The following SLC37A3 variants were observed in gnomAD, a reference collection of about 807,000 sequenced individuals.
SLC37A3 encodes the protein sugar phosphate exchanger 3.
A neutral mutation model predicts 67.1 loss-of-function variants in SLC37A3; 51 were observed. The ratio of observed to expected loss-of-function variants is 0.76; its 90% confidence interval spans 0.61 to 0.96. The LOEUF (loss-of-function observed/expected upper bound fraction) is 0.96. SLC37A3 is among the 40% of genes least tolerant of loss of function. SLC37A3 has a pLI of 0.00. For synonymous variants in SLC37A3, 214 were observed against 231.4 expected (o/e 0.92, Z 0.68); for missense variants, 508 against 603.0 (o/e 0.84, Z 1.65).
At position 140,344,559 on chromosome 7, in the gene SLC37A3, C is replaced by G. The variant is rs193105059; in HGVS notation, c.1174+657G>C. Among the ~76,000 whole-genome samples, 196 of 152,272 alleles carry G rather than the reference C, an allele frequency of 1.3e-3. 1 individual carries two copies. Among genetic ancestry groups the G allele is most frequent in the African/African-American group, 4.6e-3 (191 of 41,552 alleles). On this transcript the variant is annotated intron_variant, in intron 12 of 14. Coordinates refer to ENST00000326232, the MANE Select transcript of SLC37A3 (RefSeq NM_207113.3). ...TCACCTGAGGTCAGGAGTTTGAGAC[C>G]AGCCTGGGCAACATGGTGAAACCAT...
intron 3 of SLC37A3, 165 bp downstream of exon 3, chr7:140,380,117 T>G: frequency 2.4e-6 from 1 of 420,622 alleles, no homozygotes; most frequent in Non-Finnish European, 4.3e-6. Flanking sequence ...TGGGACTGAG[T>G]CAGAGCAGGC....
At chr7:140,379,882 T>A (rs6970664) in intron 3 of SLC37A3, 83,309 of 150,030 alleles carry the variant, frequency 0.56, 23,147 homozygotes, top group South Asian at 0.65. Flanking sequence ...GGCAACAGAA[T>A]GATACTCTGT....
intron 3 of SLC37A3, among the ~76,000 whole-genome samples, chr7:140,375,062 AAGAATCG>A (rs1472684029): frequency 1.8e-5 from 2 of 112,086 alleles, no homozygotes; most frequent in Admixed American, 8.8e-5. Context: ...AGAAGAATCG[AAGAATCG>A]CTTCAACCCA....
intron 13 of SLC37A3, among the ~76,000 whole-genome samples, chr7:140,341,465 A>G (rs1207459745): frequency 6.6e-6 from 1 of 152,170 alleles, no homozygotes; most frequent in Non-Finnish European, 1.5e-5. Context: ...ACAATTCTTT[A>G]CTTGGGAAGT....
At chr7:140,338,218 G>T (rs1387729006) in intron 13 of SLC37A3, among the ~76,000 whole-genome samples, 1 of 151,886 alleles carries the variant, frequency 6.6e-6, no homozygotes, top group Non-Finnish European at 1.5e-5. Flanking sequence ...CAATCCAGTG[G>T]TATCAGTTAC....
At chr7:140,374,053 C>T (rs1797926470) in intron 3 of SLC37A3, among the ~76,000 whole-genome samples, 1 of 152,136 alleles carries the variant, frequency 6.6e-6, no homozygotes, top group African/African-American at 2.4e-5. Flanking sequence ...AATTTCTAAA[C>T]TAGTATCTAT....
At chr7:140,368,893 T>C (rs1179185532) in intron 4 of SLC37A3, among the ~76,000 whole-genome samples, 1 of 152,156 alleles carries the variant, frequency 6.6e-6, no homozygotes, top group Non-Finnish European at 1.5e-5. Context: ...CCAACCTCTA[T>C]TACTGTTGCG....
intron 4 of SLC37A3, among the ~76,000 whole-genome samples, chr7:140,368,374 T>C (rs1797690089): frequency 6.6e-6 from 1 of 152,062 alleles, no homozygotes. Flanking sequence ...CAGATCAGCC[T>C]GACCAACATG....
chr7:140,337,331 G>A lies in SLC37A3; in HGVS notation c.1345C>T (p.Arg449Trp), dbSNP rs539485367. Reference protein sequence around the residue: ...AVGQYLVSLIRDKLGWMWVFY... With the variant: ...AVGQYLVSLIWDKLGWMWVFY... The stretch of plus-strand genomic sequence containing the variant: ...ACCCACATCCATCCTAGCTTGTCCC[G>A]GATCAGAGACACTAAATACTGAAAG... Residue 449 changes from arginine to tryptophan, a missense_variant, in exon 14 of 15, where the codon CGG (arginine) becomes TGG (tryptophan). Physicochemically the swap from Arg to Trp is moderately radical, Grantham distance 101. Transcript: ENST00000326232. 1.4e-4 allele frequency: 221 copies of A among 1,595,964 alleles called. 2 individuals are homozygous for A. In the South Asian group the frequency reaches 2.3e-3, roughly 16 times the overall value.
At chr7:140,359,298 G>A (rs1486865782) in intron 5 of SLC37A3, among the ~76,000 whole-genome samples, 2 of 150,694 alleles carry the variant, frequency 1.3e-5, no homozygotes, top group South Asian at 2.1e-4. Flanking sequence ...AGCCAAGATC[G>A]TGCCACTGCA....
chr7:140,376,679 C>T (rs1798044159), intron 3 of SLC37A3, among the ~76,000 whole-genome samples: 1 of 152,164 alleles, frequency 6.6e-6, no homozygotes, highest in African/African-American at 2.4e-5. Context: ...GGATGGATGA[C>T]AGGCCAACTT....
At chr7:140,390,918 C>T (rs1216728919) in intron 1 of SLC37A3, among the ~76,000 whole-genome samples, 2 of 152,144 alleles carry the variant, frequency 1.3e-5, no homozygotes, top group African/African-American at 4.8e-5. Context: ...AACTTAGAAT[C>T]TACAGTGCCC....
chr7:140,356,142 C>T (rs956990055), intron 6 of SLC37A3, among the ~76,000 whole-genome samples: 1 of 149,276 alleles, frequency 6.7e-6, no homozygotes, highest in Non-Finnish European at 1.5e-5. Flanking sequence ...TGCAGTAAGC[C>T]GAGATCACGC....
Position 140,352,072 on chromosome 7 carries a change from T to C in SLC37A3, c.693A>G (p.Pro231=). ...IVIFFGLLVS[P]EEIGLSGIEA... ...GCGGCTTCTCCTCACCAATTTCTTCTGGTGACACCAGGAGTCCAAAGAAGA... is the reference window on the plus strand; with the variant it reads ...GCGGCTTCTCCTCACCAATTTCTTCCGGTGACACCAGGAGTCCAAAGAAGA... Residue 231 remains proline (P), a synonymous_variant, in exon 8 of 15, where the codon CCA becomes CCG. Coordinates refer to ENST00000326232, the MANE Select transcript of SLC37A3 (RefSeq NM_207113.3). 1 of 1,611,848 alleles carries C rather than the reference T, an allele frequency of 6.2e-7. No individual in the cohort carries two copies. The highest frequency in any genetic ancestry group is 8.5e-7 in the Non-Finnish European group (1 of 1,179,218).
At chr7:140,352,237 T>TGGGGGGGGGGGGGGCTGGGGGGGGG in intron 7 of SLC37A3, 91 bp from the exon 8 acceptor site, 1 of 68,968 alleles carries the variant, frequency 1.4e-5, no homozygotes, top group Non-Finnish European at 3.3e-5. Context: ...AAGGTGGGGG[T>TGGGGGGGGGGGGGGCTGGGGGGGGG]GGGGGAGAGG....
At chr7:140,375,007 G>A (rs2129714227) in intron 3 of SLC37A3, among the ~76,000 whole-genome samples, 1 of 151,360 alleles carries the variant, frequency 6.6e-6, no homozygotes, top group African/African-American at 2.4e-5. Context: ...TTAGCCAGGT[G>A]TGGTGGCACG....
chr7:140,382,495 G>A lies in SLC37A3; in HGVS notation c.32C>T (p.Ser11Phe). 6.2e-7 allele frequency: 1 copy of A among 1,614,082 alleles called. No individual in the cohort carries two copies. The highest frequency in any genetic ancestry group is 8.5e-7 in the Non-Finnish European group (1 of 1,179,968). MAWPNVFQRG[S>F]LLSQFSHHHV... Reference sequence around the variant, plus strand: ...ATGATGGCTGAACTGGGACAGCAGAGACCCTCTTTGAAAAACATTTGGCCA... The same window carrying A: ...ATGATGGCTGAACTGGGACAGCAGAAACCCTCTTTGAAAAACATTTGGCCA... The change falls in exon 2 of 15, where the codon TCT (serine) becomes TTT (phenylalanine). Residue 11 changes from serine to phenylalanine, a missense_variant. Physicochemically the swap from Ser to Phe is radical, Grantham distance 155. Coordinates refer to ENST00000326232, the MANE Select transcript of SLC37A3 (RefSeq NM_207113.3).
In SLC37A3 at chr7:140,394,849, C is replaced by T. The variant is rs550982091; in HGVS notation, c.-71+3567G>A. Among the ~76,000 whole-genome samples, 94 of 150,920 alleles carry T rather than the reference C, an allele frequency of 6.2e-4. No homozygotes were observed. In the Middle Eastern group the frequency reaches 0.017, roughly 27 times the overall value. On this transcript the variant is annotated intron_variant, in intron 1 of 14. Coordinates refer to ENST00000326232, the MANE Select transcript of SLC37A3 (RefSeq NM_207113.3). ...GTCTCGAACCCCTGACCTCGTGATC[C>T]GCCTGCCTCAGCCTCCCAAAGTGCT...
At chr7:140,358,884 G>A in intron 5 of SLC37A3, 99 bp from the exon 6 acceptor site, 1 of 1,433,588 alleles carries the variant, frequency 7.0e-7, no homozygotes, top group South Asian at 1.2e-5. Context: ...ACCACGTGAA[G>A]GATACACTCA....
Sources: gnomAD v4.1 joint callset for allele counts (sites outside exome capture counted in the v4.1 genomes callset) on GRCh38, gnomAD v4.1.1 for gene constraint, MANE v1.5 for transcripts, NCBI Gene and HGNC (gene_info 2026-07-23, HGNC 2026-07-21) for gene names.